The following HS3ST3A1 variants were observed in gnomAD, a reference collection of about 807,000 sequenced individuals.
HS3ST3A1 encodes heparan sulfate-glucosamine 3-sulfotransferase 3A1, also known as heparan sulfate glucosamine 3-O-sulfotransferase 3A1.
In HS3ST3A1, 19 loss-of-function variants were observed where a neutral mutation model predicts 25.7. The ratio of observed to expected loss-of-function variants is 0.74; its 90% CI spans 0.52 to 1.08. The LOEUF (loss-of-function observed/expected upper bound fraction) is 1.08. HS3ST3A1 is among the 50% of genes least tolerant of loss of function. HS3ST3A1 has a pLI of 0.00. For synonymous variants in HS3ST3A1, 226 were observed against 278.6 expected, an observed-to-expected ratio of 0.81 and a Z score of 1.88; for missense variants, 459 against 594.3, an observed-to-expected ratio of 0.77 and a Z score of 2.37.
chr17:13,601,364 C>T lies in HS3ST3A1; in HGVS notation c.-235G>A. On this transcript the variant is annotated 5_prime_UTR_variant, in exon 1 of 2. Coordinates refer to ENST00000284110, the MANE Select transcript of HS3ST3A1 (RefSeq NM_006042.3). ...AGTCGAGGGAGCGGGAAGGGGAACGCGGGTCCGTGCTTAAGAAACCATCGT... is the reference window on the plus strand; with the variant it reads ...AGTCGAGGGAGCGGGAAGGGGAACGTGGGTCCGTGCTTAAGAAACCATCGT... The T allele has an allele frequency of 2.1e-6, 1 of 482,452 alleles. No homozygotes were observed. The highest frequency in any genetic ancestry group is 3.6e-6 in the Non-Finnish European group (1 of 277,592). The allele number at this position is 482,452 out of a possible 1,614,324, so 29.9% of individuals were successfully genotyped here.
At position 13,600,865 on chromosome 17, in the gene HS3ST3A1, G is replaced by T. The variant is rs1280924012; in HGVS notation, c.265C>A (p.Arg89Ser). The T allele has an allele frequency of 1.4e-6, 2 of 1,453,756 alleles. No individual in the cohort carries two copies. Among genetic ancestry groups the T allele is most frequent in the East Asian group, 2.9e-5 (1 of 34,430 alleles). 90.1% of individuals were successfully genotyped at this position (1,453,756 alleles called of 1,614,324 possible). ...CGCCACTGCGGCAGTTGCAGGAGGC[G>T]CTTTCTCTGTGCCGCCGCCGGCCAC... Reference protein sequence around the residue: ...AVWPAAAQRKRLLQLPQWRRR... With the variant: ...AVWPAAAQRKSLLQLPQWRRR... Residue 89 changes from arginine to serine, a missense_variant, in exon 1 of 2, where the codon CGC becomes AGC. Transcript: ENST00000284110.
intron 1 of HS3ST3A1, among the ~76,000 whole-genome samples, chr17:13,526,109 C>T (rs1906406824): frequency 6.6e-6 from 1 of 151,892 alleles, no homozygotes; most frequent in African/African-American, 2.4e-5. Context: ...GGCGTCTCCA[C>T]AGGGCAGTCT....
chr17:13,564,338 C>G (rs1210019804), intron 1 of HS3ST3A1, among the ~76,000 whole-genome samples: 1 of 152,106 alleles, frequency 6.6e-6, no homozygotes, highest in Non-Finnish European at 1.5e-5. Flanking sequence ...ATCTGAGACT[C>G]CTTTAGTATT....
intron 1 of HS3ST3A1, among the ~76,000 whole-genome samples, chr17:13,538,318 C>T (rs1906828586): frequency 6.6e-6 from 1 of 152,170 alleles, no homozygotes; most frequent in Admixed American, 6.5e-5. Flanking sequence ...TGACTGACTC[C>T]AAGCCATCCC....
intron 1 of HS3ST3A1, among the ~76,000 whole-genome samples, chr17:13,522,299 C>T (rs907120823): frequency 2.7e-5 from 4 of 150,416 alleles, no homozygotes; most frequent in East Asian, 1.9e-4. Flanking sequence ...TTTATCTGTG[C>T]TATTACTAAG....
chr17:13,499,570 C>T (rs754289986), intron 1 of HS3ST3A1, among the ~76,000 whole-genome samples: 1 of 150,234 alleles, frequency 6.7e-6, no homozygotes, highest in Non-Finnish European at 1.5e-5. Context: ...CACTTGGGAG[C>T]TCCTGGTTGG....
intron 1 of HS3ST3A1, among the ~76,000 whole-genome samples, chr17:13,549,403 C>T (rs1394270243): frequency 6.6e-6 from 1 of 152,190 alleles, no homozygotes; most frequent in South Asian, 2.1e-4. Context: ...AAGAACCCAC[C>T]GGAAGGAATA....
At chr17:13,576,228 C>T (rs534019423) in intron 1 of HS3ST3A1, among the ~76,000 whole-genome samples, 2 of 152,346 alleles carry the variant, frequency 1.3e-5, no homozygotes, top group East Asian at 3.9e-4. Flanking sequence ...AGGAATGCTG[C>T]AGCTGCTTAA....
chr17:13,590,657 T>C (rs1908399964), intron 1 of HS3ST3A1, among the ~76,000 whole-genome samples: 1 of 152,226 alleles, frequency 6.6e-6, no homozygotes, highest in Non-Finnish European at 1.5e-5. Context: ...ACTAATGGTC[T>C]GACCACTCCA....
chr17:13,570,307 T>C (rs1298271171), intron 1 of HS3ST3A1, among the ~76,000 whole-genome samples: 7 of 152,208 alleles, frequency 4.6e-5, no homozygotes. Flanking sequence ...ACTAAGTAAC[T>C]ACTACAAAAG....
intron 1 of HS3ST3A1, among the ~76,000 whole-genome samples, chr17:13,547,327 G>C (rs888294180): frequency 6.6e-6 from 1 of 152,144 alleles, no homozygotes; most frequent in African/African-American, 2.4e-5. Context: ...ATGGTTGGGG[G>C]GCCCCTAGAT....
chr17:13,554,870 T>C (rs1263407711), intron 1 of HS3ST3A1, among the ~76,000 whole-genome samples: 3 of 152,070 alleles, frequency 2.0e-5, no homozygotes, highest in Non-Finnish European at 4.4e-5. Context: ...TAAACGATGG[T>C]AATATCCCCA....
intron 1 of HS3ST3A1, among the ~76,000 whole-genome samples, chr17:13,545,853 T>C (rs1475321179): frequency 6.6e-6 from 1 of 152,056 alleles, no homozygotes; most frequent in African/African-American, 2.4e-5. Flanking sequence ...TGCGCACCTA[T>C]AGAGTCCCAG....
At chr17:13,504,535 A>G (rs1905592835) in intron 1 of HS3ST3A1, among the ~76,000 whole-genome samples, 1 of 152,154 alleles carries the variant, frequency 6.6e-6, no homozygotes, top group Admixed American at 6.5e-5. Flanking sequence ...AAAAGTCCCA[A>G]TTCATGACCC....
intron 1 of HS3ST3A1, among the ~76,000 whole-genome samples, chr17:13,562,630 T>C (rs1001676344): frequency 3.3e-5 from 5 of 151,852 alleles, no homozygotes; most frequent in Non-Finnish European, 5.9e-5. Context: ...GGCTCTACAA[T>C]AGAACTCCCA....
chr17:13,544,117 AG>A (rs1223057927), intron 1 of HS3ST3A1, among the ~76,000 whole-genome samples: 1 of 152,262 alleles, frequency 6.6e-6, no homozygotes, highest in Non-Finnish European at 1.5e-5. Flanking sequence ...TTCCAAGAAA[AG>A]AAAAAATATA....
intron 1 of HS3ST3A1, among the ~76,000 whole-genome samples, chr17:13,570,275 T>C (rs1907768843): frequency 6.6e-6 from 1 of 152,232 alleles, no homozygotes; most frequent in African/African-American, 2.4e-5. Context: ...CTGTCTCAAA[T>C]GACTCGTTGT....
chr17:13,513,733 G>T (rs1249629386), intron 1 of HS3ST3A1, among the ~76,000 whole-genome samples: 1 of 152,150 alleles, frequency 6.6e-6, no homozygotes, highest in Non-Finnish European at 1.5e-5. Flanking sequence ...AAAGTGTTTA[G>T]TGAATCCCTT....
At chr17:13,562,163 C>T (rs1799059543) in intron 1 of HS3ST3A1, among the ~76,000 whole-genome samples, 1 of 152,118 alleles carries the variant, frequency 6.6e-6, no homozygotes, top group South Asian at 2.1e-4. Flanking sequence ...ACCACCCTGT[C>T]TTTTTGGAAT....
Sources: allele counts gnomAD v4.1 joint callset (sites outside exome capture counted in the v4.1 genomes callset), GRCh38; gene constraint gnomAD v4.1.1; transcripts MANE v1.5; gene names NCBI Gene and HGNC (gene_info 2026-07-23, HGNC 2026-07-21).